The following SUCLG2 variants were observed in gnomAD, a reference collection of about 807,000 sequenced individuals.
SUCLG2 encodes the protein succinate--CoA ligase [GDP-forming] subunit beta, mitochondrial.
SUCLG2 carries 42 observed loss-of-function variants against 47.9 expected under a neutral mutation model. The observed-to-expected ratio is 0.88, with a 90% confidence interval of 0.69 to 1.14. The LOEUF (loss-of-function observed/expected upper bound fraction) is 1.14, where lower values mean the gene tolerates loss of function less well. SUCLG2 is among the 50% of genes most tolerant of loss of function. The pLI is 0.00. For missense variants in SUCLG2, 571 were observed against 525.9 expected (o/e 1.09, Z -0.84); for synonymous variants, 195 against 197.3 (o/e 0.99, Z 0.10).
chr3:67,509,281 G>A (rs1705723018), intron 6 of SUCLG2, among the ~76,000 whole-genome samples: 1 of 152,166 alleles, frequency 6.6e-6, no homozygotes, highest in South Asian at 2.1e-4. Context: ...AGTTTATAAT[G>A]ACTAGGTTTT....
At chr3:67,393,645 T>C (rs1702448501) in intron 10 of SUCLG2, among the ~76,000 whole-genome samples, 1 of 152,236 alleles carries the variant, frequency 6.6e-6, no homozygotes, top group Non-Finnish European at 1.5e-5. Context: ...TTAATGTCCC[T>C]GTCTGACAGC....
At chr3:67,641,772 T>C (rs931444509) in intron 1 of SUCLG2, among the ~76,000 whole-genome samples, 2 of 152,144 alleles carry the variant, frequency 1.3e-5, no homozygotes, top group Non-Finnish European at 2.9e-5. Flanking sequence ...AGAAAGGTAT[T>C]CTCTTGCAGT....
At chr3:67,492,693 G>T (rs1705232972) in intron 9 of SUCLG2, among the ~76,000 whole-genome samples, 1 of 152,166 alleles carries the variant, frequency 6.6e-6, no homozygotes, top group Non-Finnish European at 1.5e-5. Context: ...ATTCAGTTCA[G>T]TAAGTGAGTT....
rs531854725 is a variant in SUCLG2 at position 67,435,620 on chromosome 3, T to C, written c.1063-34769A>G. On this transcript the variant is annotated intron_variant, in intron 9 of 10. Transcript: ENST00000307227. ...TACACATTATCTAAGCCCAATGTTA[T>C]GTCCACACATATGTGCCTCTAAGGT... 4.6e-5 allele frequency among the ~76,000 whole-genome samples: 7 copies of C among 152,326 alleles called. No individual in the cohort carries two copies. In the South Asian group the frequency reaches 1.2e-3, roughly 27 times the overall value.
chr3:67,531,179 G>T (rs1196776084), intron 2 of SUCLG2, among the ~76,000 whole-genome samples: 1 of 152,054 alleles, frequency 6.6e-6, no homozygotes, highest in East Asian at 1.9e-4. Flanking sequence ...ATAATTTTCA[G>T]CAATTAAGAA....
chr3:67,640,557 A>AT (rs56970108), intron 1 of SUCLG2, among the ~76,000 whole-genome samples: 14,824 of 152,094 alleles, frequency 0.097, 2,425 homozygotes, highest in African/African-American at 0.34. Flanking sequence ...ATTTATATAG[A>AT]TTTTTTACTC....
At chr3:67,416,707 T>G (rs756188835) in intron 9 of SUCLG2, among the ~76,000 whole-genome samples, 11 of 152,198 alleles carry the variant, frequency 7.2e-5, no homozygotes, top group Non-Finnish European at 1.6e-4. Flanking sequence ...ATAATCTAAA[T>G]TTGTTAAATA....
At chr3:67,534,003 T>TA in intron 2 of SUCLG2, among the ~76,000 whole-genome samples, 1 of 152,136 alleles carries the variant, frequency 6.6e-6, no homozygotes, top group African/African-American at 2.4e-5. Context: ...AGACTGGAGA[T>TA]ACATGGCTCT....
intron 9 of SUCLG2, among the ~76,000 whole-genome samples, chr3:67,432,243 T>C (rs375993528): frequency 1.6e-4 from 24 of 152,336 alleles, no homozygotes; most frequent in African/African-American, 4.8e-4. Flanking sequence ...TGCTGGTTTA[T>C]TAAACTTGTT....
At chr3:67,409,017 TG>T (rs1702876801) in intron 9 of SUCLG2, 1 of 1,535,380 alleles carries the variant, frequency 6.5e-7, no homozygotes, top group African/African-American at 1.4e-5. Context: ...AAGTATTTCT[TG>T]CTTTCAAATT....
intron 9 of SUCLG2, among the ~76,000 whole-genome samples, chr3:67,413,892 TCA>T (rs1213681779): frequency 1.3e-5 from 2 of 152,204 alleles, no homozygotes; most frequent in African/African-American, 4.8e-5. Context: ...ATCCATCTTA[TCA>T]CACATGTTTC....
intron 9 of SUCLG2, among the ~76,000 whole-genome samples, chr3:67,457,684 CTTTTTTTTTTTTTTTT>C (rs71109889): frequency 1.5e-5 from 1 of 65,510 alleles, no homozygotes; most frequent in African/African-American, 7.6e-5. Context: ...ACAAAAGCAG[CTTTTTTTTTTTTTTTT>C]TTTTTTTTTT....
chr3:67,623,276 G>A (rs1410239637), intron 1 of SUCLG2, among the ~76,000 whole-genome samples: 1 of 152,136 alleles, frequency 6.6e-6, no homozygotes, highest in Non-Finnish European at 1.5e-5. Flanking sequence ...CAAAGCGGGT[G>A]AATCACGAGG....
chr3:67,453,932 T>A (rs1385050127), intron 9 of SUCLG2, among the ~76,000 whole-genome samples: 2 of 152,202 alleles, frequency 1.3e-5, no homozygotes, highest in African/African-American at 4.8e-5. Flanking sequence ...CCCCCAAGGT[T>A]GTCGTTGTCG....
chr3:67,617,349 T>A (rs1028009615), intron 1 of SUCLG2, among the ~76,000 whole-genome samples: 1 of 152,108 alleles, frequency 6.6e-6, no homozygotes, highest in African/African-American at 2.4e-5. Flanking sequence ...CATGAAAACA[T>A]GCTACAGAAA....
intron 2 of SUCLG2, among the ~76,000 whole-genome samples, chr3:67,566,276 A>C (rs999147469): frequency 6.6e-6 from 1 of 152,226 alleles, no homozygotes; most frequent in Admixed American, 6.5e-5. Flanking sequence ...TAAAAACTTT[A>C]CAGGAAGAAA....
intron 1 of SUCLG2, among the ~76,000 whole-genome samples, chr3:67,630,786 T>C (rs1700911664): frequency 6.6e-6 from 1 of 152,224 alleles, no homozygotes; most frequent in Non-Finnish European, 1.5e-5. Context: ...GGAGTTGAAA[T>C]ACAAGGTGAA....
intron 9 of SUCLG2, among the ~76,000 whole-genome samples, chr3:67,449,797 A>G (rs973206009): frequency 6.6e-6 from 1 of 151,902 alleles, no homozygotes; most frequent in Non-Finnish European, 1.5e-5. Flanking sequence ...TATTTTTAGT[A>G]GAGATGTGGT....
intron 4 of SUCLG2, among the ~76,000 whole-genome samples, chr3:67,524,951 TCAC>T: frequency 6.6e-6 from 1 of 152,136 alleles, no homozygotes; most frequent in East Asian, 1.9e-4. Context: ...CTAGGGAACT[TCAC>T]CAAGCATTTA....
Sources: gnomAD v4.1 joint callset for allele counts (sites outside exome capture counted in the v4.1 genomes callset) on GRCh38, gnomAD v4.1.1 for gene constraint, MANE v1.5 for transcripts, NCBI Gene and HGNC (gene_info 2026-07-23, HGNC 2026-07-21) for gene names.